The following GNA14 variants were observed in gnomAD, a reference collection of about 807,000 sequenced individuals.
GNA14 encodes the protein G protein subunit alpha 14.
A neutral mutation model predicts 42.0 loss-of-function variants in GNA14; 50 were observed. That is an observed-to-expected ratio of 1.19 (90% CI 0.95 to 1.51). The LOEUF (loss-of-function observed/expected upper bound fraction) is 1.51, where lower values mean the gene tolerates loss of function less well. GNA14 is among the 40% of genes most tolerant of loss of function. GNA14 has a pLI of 0.00. For synonymous variants in GNA14, 173 were observed against 163.1 expected, an observed-to-expected ratio of 1.06 and a Z score of -0.46; for missense variants, 473 against 446.2, an observed-to-expected ratio of 1.06 and a Z score of -0.54.
In GNA14 at chr9:77,591,152, G is replaced by C. The variant is rs1250488455; in HGVS notation, c.124+56518C>G. Among the ~76,000 whole-genome samples, 5 of 152,336 alleles carry C rather than the reference G, an allele frequency of 3.3e-5. No homozygotes were observed. In the East Asian group the frequency reaches 5.8e-4, roughly 18 times the overall value. ...TGCATTTTCAGGACGATCACACGCT[G>C]TTTCCGAGTAGAATCATCCTGATCA... On this transcript the variant is annotated intron_variant, in intron 1 of 6. Coordinates refer to ENST00000341700, the MANE Select transcript of GNA14 (RefSeq NM_004297.4).
chr9:77,437,745 G>A (rs1835662320), intron 2 of GNA14, among the ~76,000 whole-genome samples: 1 of 152,150 alleles, frequency 6.6e-6, no homozygotes, highest in African/African-American at 2.4e-5. Context: ...ACAAGATGGC[G>A]CCTCCATCAC....
intron 2 of GNA14, among the ~76,000 whole-genome samples, chr9:77,443,878 A>G (rs2131698486): frequency 6.6e-6 from 1 of 152,314 alleles, no homozygotes; most frequent in East Asian, 1.9e-4. Flanking sequence ...GCTACTCTGG[A>G]GGCTGTGGCG....
chr9:77,601,257 G>A (rs1823559547), intron 1 of GNA14, among the ~76,000 whole-genome samples: 1 of 152,084 alleles, frequency 6.6e-6, no homozygotes, highest in Non-Finnish European at 1.5e-5. Context: ...GTGTCTGTGT[G>A]CCTAACTTTT....
intron 1 of GNA14, among the ~76,000 whole-genome samples, chr9:77,579,258 A>G (rs1371387895): frequency 6.6e-6 from 1 of 152,204 alleles, no homozygotes; most frequent in African/African-American, 2.4e-5. Context: ...GGTGGAGTTG[A>G]CAACTGTCTT....
At chr9:77,602,817 T>G (rs1013959925) in intron 1 of GNA14, among the ~76,000 whole-genome samples, 1 of 152,238 alleles carries the variant, frequency 6.6e-6, no homozygotes, top group Non-Finnish European at 1.5e-5. Flanking sequence ...CAGGGCTTCA[T>G]GCTTTGAAAG....
chr9:77,639,780 CACTCTAATAAATTATT>C (rs1209018749), intron 1 of GNA14, among the ~76,000 whole-genome samples: 8 of 152,312 alleles, frequency 5.3e-5, no homozygotes, highest in Non-Finnish European at 4.4e-5. Flanking sequence ...TTCCTGCTTC[CACTCTAATAAATTATT>C]ACTCTGCTTA....
intron 1 of GNA14, among the ~76,000 whole-genome samples, chr9:77,545,950 T>G (rs1194272642): frequency 6.6e-6 from 1 of 152,110 alleles, no homozygotes; most frequent in Non-Finnish European, 1.5e-5. Flanking sequence ...CTGAATAATT[T>G]AAGAATTATC....
intron 2 of GNA14, among the ~76,000 whole-genome samples, chr9:77,441,769 T>G (rs1835739892): frequency 6.6e-6 from 1 of 152,188 alleles, no homozygotes; most frequent in African/African-American, 2.4e-5. Flanking sequence ...TTCTGTAAAA[T>G]CACCCCTCTT....
intron 5 of GNA14, among the ~76,000 whole-genome samples, chr9:77,427,256 G>A (rs1031964500): frequency 7.9e-5 from 12 of 151,602 alleles, no homozygotes; most frequent in African/African-American, 2.2e-4. Flanking sequence ...CCTGAGGAAC[G>A]TCACAAATAA....
At chr9:77,489,694 G>A (rs542516008) in intron 2 of GNA14, among the ~76,000 whole-genome samples, 23 of 152,118 alleles carry the variant, frequency 1.5e-4, no homozygotes, top group African/African-American at 3.1e-4. Flanking sequence ...GCAGACCTTC[G>A]CGGTGAGTGT....
chr9:77,515,938 A>G (rs1837247697), intron 2 of GNA14, among the ~76,000 whole-genome samples: 1 of 136,446 alleles, frequency 7.3e-6, no homozygotes, highest in South Asian at 2.5e-4. Flanking sequence ...CAACCCAGGC[A>G]ACGCAGCAAG....
At chr9:77,499,772 C>T (rs1262730206) in intron 2 of GNA14, among the ~76,000 whole-genome samples, 1 of 152,048 alleles carries the variant, frequency 6.6e-6, no homozygotes, top group Non-Finnish European at 1.5e-5. Flanking sequence ...ATCGCTAGAA[C>T]CTGGAAGGCA....
At chr9:77,577,066 TC>T (rs1823140723) in intron 1 of GNA14, among the ~76,000 whole-genome samples, 2 of 152,280 alleles carry the variant, frequency 1.3e-5, no homozygotes, top group East Asian at 3.9e-4. Flanking sequence ...ACAGTTATAC[TC>T]CTATTTTCTG....
chr9:77,630,663 C>G (rs898106216), intron 1 of GNA14, among the ~76,000 whole-genome samples: 19 of 152,028 alleles, frequency 1.2e-4, no homozygotes, highest in Admixed American at 3.3e-4. Context: ...ATGCAAAAAA[C>G]TAGATTTATA....
At chr9:77,437,654 G>T (rs933760519) in intron 2 of GNA14, among the ~76,000 whole-genome samples, 7 of 150,894 alleles carry the variant, frequency 4.6e-5, no homozygotes, top group Non-Finnish European at 8.9e-5. Context: ...AGGAAGGAAA[G>T]AAAGAAAGAA....
At chr9:77,644,869 A>G (rs915216991) in intron 1 of GNA14, among the ~76,000 whole-genome samples, 2 of 152,162 alleles carry the variant, frequency 1.3e-5, no homozygotes, top group East Asian at 3.9e-4. Context: ...CTTTCTCCCT[A>G]TGCTGATCAG....
chr9:77,531,471 T>C (rs78577287), intron 1 of GNA14, among the ~76,000 whole-genome samples: 143 of 152,328 alleles, frequency 9.4e-4, no homozygotes, highest in African/African-American at 3.2e-3. Context: ...ATTAGCTCTC[T>C]ACTCCTGCAG....
intron 4 of GNA14, among the ~76,000 whole-genome samples, chr9:77,430,333 G>A (rs1000851855): frequency 9.2e-5 from 14 of 152,170 alleles, no homozygotes; most frequent in African/African-American, 1.4e-4. Flanking sequence ...CCCATTCATC[G>A]CAGTCCAAGA....
chr9:77,453,768 C>T (rs1208218166), intron 2 of GNA14, among the ~76,000 whole-genome samples: 1 of 152,206 alleles, frequency 6.6e-6, no homozygotes, highest in African/African-American at 2.4e-5. Context: ...ACAAATACAG[C>T]AACATGGAGT....
Sources: allele counts gnomAD v4.1 joint callset (sites outside exome capture counted in the v4.1 genomes callset), GRCh38; gene constraint gnomAD v4.1.1; transcripts MANE v1.5; gene names NCBI Gene and HGNC (gene_info 2026-07-23, HGNC 2026-07-21).